The following RUSF1 variants were observed in gnomAD, a reference collection of about 807,000 sequenced individuals.
RUSF1 encodes the protein RUS1 family protein C16orf58.
Under a neutral mutation model 63.0 loss-of-function variants are expected in RUSF1, and 58 were observed. That is an observed-to-expected ratio of 0.92 (90% confidence interval 0.75 to 1.15). RUSF1 has a LOEUF of 1.15. Among genes scored for constraint, RUSF1 ranks in the 50% most tolerant of loss-of-function variants. The pLI is 0.00. For missense variants in RUSF1, 652 were observed against 611.0 expected (o/e 1.07, Z -0.71); for synonymous variants, 274 against 255.8 (o/e 1.07, Z -0.68).
At chr16:31,507,954 C>T in intron 1 of RUSF1, 76 bp from the exon 2 acceptor site, 1 of 1,533,494 alleles carries the variant, frequency 6.5e-7, no homozygotes. Context: ...TGTTCTTGTT[C>T]TTGGTGTATG....
chr16:31,496,408 G>C (rs933841575), intron 6 of RUSF1, among the ~76,000 whole-genome samples: 3 of 152,196 alleles, frequency 2.0e-5, no homozygotes, highest in African/African-American at 7.2e-5. Context: ...AATCCATGCG[G>C]AGTTCAGCCT....
chr16:31,502,999 C>T (rs1327006393), intron 2 of RUSF1, among the ~76,000 whole-genome samples: 4 of 152,262 alleles, frequency 2.6e-5, no homozygotes, highest in African/African-American at 9.6e-5. Flanking sequence ...CTTGGGCCAC[C>T]TGACAGAAAG....
At chr16:31,507,726 A>C in intron 2 of RUSF1, 38 bp downstream of exon 2, 1 of 1,535,966 alleles carries the variant, frequency 6.5e-7, no homozygotes, top group Non-Finnish European at 8.8e-7. Context: ...AGCAGGGCTG[A>C]AAGCAGCAAT....
rs61741237 is a variant in RUSF1 at position 31,490,401 on chromosome 16, A to G, written c.*434T>C. 3.1e-3 allele frequency: 5,059 copies of G among 1,613,544 alleles called. 151 individuals carry two copies. In the African/African-American group the frequency reaches 0.059, roughly 19 times the overall value. On this transcript the variant is annotated 3_prime_UTR_variant, in exon 13 of 13. Coordinates refer to ENST00000327237, the MANE Select transcript of RUSF1 (RefSeq NM_022744.4). ...TGGGGTGGGCAGTCCTCCGCCCCTT[A>G]CCCAGGAGGAGGCAGCGGCAGCAGC...
chr16:31,495,270 C>G (rs2082595993), intron 6 of RUSF1, among the ~76,000 whole-genome samples: 1 of 151,982 alleles, frequency 6.6e-6, no homozygotes, highest in Non-Finnish European at 1.5e-5. Context: ...AGAGAGGACC[C>G]GAGACTGGAG....
Position 31,490,648 on chromosome 16 carries a change from C to G in RUSF1, c.*187G>C. On this transcript the variant is annotated 3_prime_UTR_variant, in exon 13 of 13. Coordinates refer to ENST00000327237, the MANE Select transcript of RUSF1 (RefSeq NM_022744.4). ...CAGTGGGGTGAGAAGGTCCTGGCTC[C>G]CCTTCTCCCGGCCTTCCTCTGCCTG... is the stretch of plus-strand genomic sequence containing the variant. 1 of 1,126,748 alleles carries G rather than the reference C, an allele frequency of 8.9e-7. No individual in the cohort carries two copies. Among genetic ancestry groups the G allele is most frequent in the East Asian group, 2.5e-5 (1 of 39,478 alleles). 69.8% of individuals were successfully genotyped at this position (1,126,748 alleles called of 1,614,324 possible). A position where few individuals can be genotyped will look rare whatever the true frequency, so the allele number is the denominator to read the frequency against.
intron 6 of RUSF1, among the ~76,000 whole-genome samples, chr16:31,495,804 C>G (rs1424122014): frequency 6.6e-6 from 1 of 152,152 alleles, no homozygotes; most frequent in Non-Finnish European, 1.5e-5. Flanking sequence ...CTAAGGCAAC[C>G]ATGAGCATTT....
rs376197037 is a variant in RUSF1 at position 31,490,084 on chromosome 16, C to T, written c.*751G>A. 576 of 1,612,872 alleles carry T rather than the reference C, an allele frequency of 3.6e-4. No homozygotes were observed. Among genetic ancestry groups the T allele is most frequent in the Non-Finnish European group, 4.4e-4 (521 of 1,179,940 alleles). ...GGGGGGACAGAACTCCCACCTCGTT[C>T]GTGCTCCCACCCTCCCCAGCTCCAC... On this transcript the variant is annotated 3_prime_UTR_variant, in exon 13 of 13. Coordinates refer to ENST00000327237, the MANE Select transcript of RUSF1 (RefSeq NM_022744.4).
chr16:31,504,134 A>C (rs1304579161), intron 2 of RUSF1, among the ~76,000 whole-genome samples: 1 of 151,650 alleles, frequency 6.6e-6, no homozygotes, highest in Non-Finnish European at 1.5e-5. Flanking sequence ...TCCTGACCCC[A>C]AGTGATCCAC....
chr16:31,503,509 T>C (rs2082642638), intron 2 of RUSF1, among the ~76,000 whole-genome samples: 1 of 152,216 alleles, frequency 6.6e-6, no homozygotes, highest in African/African-American at 2.4e-5. Context: ...ACAACTGGCA[T>C]CACGTTCCAC....
intron 5 of RUSF1, among the ~76,000 whole-genome samples, chr16:31,497,948 G>A (rs1455161623): frequency 2.0e-5 from 3 of 152,188 alleles, no homozygotes; most frequent in Non-Finnish European, 2.9e-5. Context: ...AGAGAGGAGC[G>A]GCACGGAGGC....
In RUSF1 at chr16:31,493,931, C is replaced by A; in HGVS notation, c.708G>T (p.Thr236=). ...DVSAKDSSQE[T]LVNLAGLLVS... is the part of the protein sequence containing the mutation. ...CCAAGAGCCCCGCCAGGTTCACCAG[C>A]GTCTCCTGGAAAATGGCAGAGGGAG... is the stretch of plus-strand genomic sequence containing the variant. The change falls in exon 7 of 13, where the codon ACG becomes ACT. Residue 236 remains threonine (T), a synonymous_variant. Coordinates refer to ENST00000327237, the MANE Select transcript of RUSF1 (RefSeq NM_022744.4). The A allele has an allele frequency of 1.9e-6, 3 of 1,614,076 alleles. No homozygotes were observed. The highest frequency in any genetic ancestry group is 1.3e-5 in the African/African-American group (1 of 75,042).
At chr16:31,496,199 G>A (rs989449244) in intron 6 of RUSF1, among the ~76,000 whole-genome samples, 5 of 152,108 alleles carry the variant, frequency 3.3e-5, no homozygotes, top group African/African-American at 9.7e-5. Flanking sequence ...GGGACTACAG[G>A]TGTGCACCAC....
Position 31,489,643 on chromosome 16 carries a change from C to CA in RUSF1, c.*1191dup. On this transcript the variant is annotated 3_prime_UTR_variant, in exon 13 of 13. Transcript: ENST00000327237. Reference sequence around the variant, plus strand: ...GGCACAATACCATCTTGAACGCCCACAAAAAGGTTTGGTTTTGTTGCCAAA... The same window carrying CA: ...GGCACAATACCATCTTGAACGCCCACAAAAAAGGTTTGGTTTTGTTGCCAAA... 1 of 532,944 alleles carries CA rather than the reference C, an allele frequency of 1.9e-6. No homozygotes were observed. The highest frequency in any genetic ancestry group is 2.1e-5 in the South Asian group (1 of 47,730). 33.0% of individuals were successfully genotyped at this position (532,944 alleles called of 1,614,324 possible).
chr16:31,490,997 G>T, intron 12 of RUSF1, 65 bp from the exon 13 acceptor site: 1 of 1,517,758 alleles, frequency 6.6e-7, no homozygotes, highest in Non-Finnish European at 9.1e-7. Context: ...GGCACAGGCT[G>T]GGTGCAGGCT....
Position 31,508,312 on chromosome 16 carries a change from G to A in RUSF1, c.62C>T (p.Ala21Val), listed in dbSNP as rs867637490. 5 of 1,577,986 alleles carry A rather than the reference G, an allele frequency of 3.2e-6. No homozygotes were observed. The highest frequency in any genetic ancestry group is 4.3e-6 in the Non-Finnish European group (5 of 1,165,678). Reference protein sequence around the residue: ...LCSEQFGSGEARGCRAAADGS... With the variant: ...LCSEQFGSGEVRGCRAAADGS... ...GTCCGCGGCGGCGCGGCAGCCCCGTGCCTCCCCGGAGCCGAACTGCTCGGA... is the reference window on the plus strand; with the variant it reads ...GTCCGCGGCGGCGCGGCAGCCCCGTACCTCCCCGGAGCCGAACTGCTCGGA... The change falls in exon 1 of 13, where the codon GCA (alanine) becomes GTA (valine). Residue 21 changes from alanine (A) to valine (V), a missense_variant. By Grantham distance (64) the Ala-to-Val change is moderately conservative. Coordinates refer to ENST00000327237, the MANE Select transcript of RUSF1 (RefSeq NM_022744.4).
rs529788791 is a variant in RUSF1 at position 31,489,475 on chromosome 16, T to C, written c.*1360A>G. ...GCTGGGGGTCCAGCTGCAGTTGCAA[T>C]TGCCGAGCAAGAATTTTTATTTAAA... On this transcript the variant is annotated 3_prime_UTR_variant, in exon 13 of 13. Coordinates refer to ENST00000327237, the MANE Select transcript of RUSF1 (RefSeq NM_022744.4). 28 of 756,848 alleles carry C rather than the reference T, an allele frequency of 3.7e-5. No individual in the cohort carries two copies. Among genetic ancestry groups the C allele is most frequent in the Non-Finnish European group, 5.4e-5 (24 of 447,290 alleles). 46.9% of individuals were successfully genotyped at this position (756,848 alleles called of 1,614,324 possible).
chr16:31,497,088 C>G, intron 5 of RUSF1, 138 bp from the exon 6 acceptor site: 1 of 648,478 alleles, frequency 1.5e-6, no homozygotes, highest in Admixed American at 2.8e-5. Flanking sequence ...CTTGATGCCC[C>G]CTAGGCTCAA....
intron 2 of RUSF1, 42 bp downstream of exon 2, chr16:31,507,722 G>A (rs745388470): frequency 9.1e-6 from 14 of 1,530,166 alleles, no homozygotes; most frequent in Non-Finnish European, 9.8e-6. Context: ...CGAAAGCAGG[G>A]CTGAAAGCAG....
Sources: gnomAD v4.1 joint callset for allele counts (sites outside exome capture counted in the v4.1 genomes callset) on GRCh38, gnomAD v4.1.1 for gene constraint, MANE v1.5 for transcripts, NCBI Gene and HGNC (gene_info 2026-07-23, HGNC 2026-07-21) for gene names.